The following CCDC83 variants were observed in gnomAD, a reference collection of about 807,000 sequenced individuals.
CCDC83 encodes the protein coiled-coil domain-containing protein 83.
In CCDC83, 54 loss-of-function variants were observed where a neutral mutation model predicts 50.1. The ratio of observed to expected loss-of-function variants is 1.08; its 90% CI spans 0.87 to 1.35. The LOEUF is 1.35. Ranked by LOEUF, CCDC83 falls within the 40% of genes most tolerant of loss-of-function variation. The probability of loss-of-function intolerance (pLI) is 0.00; values close to 1 mark genes in which losing one functional copy is unlikely to be tolerated. For missense variants in CCDC83, 518 were observed against 473.9 expected (o/e 1.09, Z -0.86); for synonymous variants, 161 against 153.3 (o/e 1.05, Z -0.37).
intron 3 of CCDC83, among the ~76,000 whole-genome samples, chr11:85,875,069 CA>C (rs1264610054): frequency 2.0e-5 from 3 of 152,292 alleles, no homozygotes; most frequent in African/African-American, 7.2e-5. Context: ...GGAGGGGATG[CA>C]GGGGTGGTCC....
Position 85,865,165 on chromosome 11 carries a change from C to T in CCDC83, c.42C>T (p.Asp14=), listed in dbSNP as rs199934074. The T allele has an allele frequency of 7.4e-6, 12 of 1,612,804 alleles. No individual in the cohort carries two copies. The highest frequency in any genetic ancestry group is 3.3e-5 in the Admixed American group (2 of 60,006). Residue 14 remains aspartate (D), a synonymous_variant, in exon 2 of 11, where the codon GAC becomes GAT. Coordinates refer to ENST00000342404, the MANE Select transcript of CCDC83 (RefSeq NM_001286159.2). The stretch of plus-strand genomic sequence containing the variant: ...AAGCAAATAAAAAGGATACACATGA[C>T]GGGCCACCAAAAGAAATTAAACTGC... The part of the protein sequence containing the change: ...SGKANKKDTH[D]GPPKEIKLPT...
chr11:85,865,160 C>CA lies in CCDC83; in HGVS notation c.38dup (p.His13GlnfsTer2), dbSNP rs1302771480. ...AGGGAAAGCAAATAAAAAGGATACACATGACGGGCCACCAAAAGAAATTAA... is the reference window on the plus strand; with the variant it reads ...AGGGAAAGCAAATAAAAAGGATACACAATGACGGGCCACCAAAAGAAATTAA... On this transcript the variant is annotated frameshift_variant, in exon 2 of 11. Coordinates refer to ENST00000342404, the MANE Select transcript of CCDC83 (RefSeq NM_001286159.2). LOFTEE classifies it high-confidence loss of function. The CA allele has an allele frequency of 6.2e-7, 1 of 1,612,862 alleles. No homozygotes were observed.
chr11:85,917,180 G>GA (rs1412357327), intron 10 of CCDC83, among the ~76,000 whole-genome samples: 1 of 103,588 alleles, frequency 9.7e-6, no homozygotes. Context: ...AAGAAAGAAA[G>GA]AAAGAAAGAA....
At chr11:85,855,814 G>A (rs1665722910) in intron 1 of CCDC83, among the ~76,000 whole-genome samples, 1 of 152,148 alleles carries the variant, frequency 6.6e-6, no homozygotes, top group Non-Finnish European at 1.5e-5. Context: ...GACTAAGCTC[G>A]GTCTTGCTTC....
chr11:85,885,662 G>C (rs766659792), intron 4 of CCDC83, among the ~76,000 whole-genome samples: 12 of 152,206 alleles, frequency 7.9e-5, no homozygotes, highest in Non-Finnish European at 1.5e-4. Flanking sequence ...GGTGGGAAAA[G>C]ACATGTTATT....
At chr11:85,910,496 T>C (rs554190890) in intron 7 of CCDC83, among the ~76,000 whole-genome samples, 1 of 152,374 alleles carries the variant, frequency 6.6e-6, no homozygotes, top group Admixed American at 6.5e-5. Context: ...CCTGTGCTTC[T>C]CCTTTAAAAA....
intron 5 of CCDC83, among the ~76,000 whole-genome samples, chr11:85,892,306 T>C (rs2093354114): frequency 6.6e-6 from 1 of 152,126 alleles, no homozygotes; most frequent in African/African-American, 2.4e-5. Context: ...GTTTCGAGCT[T>C]TTACGAGGAG....
intron 5 of CCDC83, among the ~76,000 whole-genome samples, chr11:85,892,344 T>C (rs1002881468): frequency 3.3e-5 from 5 of 152,206 alleles, no homozygotes; most frequent in African/African-American, 9.7e-5. Flanking sequence ...TTTCTTTGGC[T>C]GCATTCACCA....
chr11:85,880,585 A>ATT (rs60894727), intron 3 of CCDC83, among the ~76,000 whole-genome samples: 4 of 150,016 alleles, frequency 2.7e-5, no homozygotes, highest in Admixed American at 6.7e-5. Context: ...CCAGATCTTG[A>ATT]TTTTTTTTTT....
chr11:85,914,698 C>G (rs1183166931), intron 8 of CCDC83, among the ~76,000 whole-genome samples: 2 of 152,168 alleles, frequency 1.3e-5, no homozygotes, highest in African/African-American at 4.8e-5. Context: ...TTGGAATGCC[C>G]TTCTTTCACC....
At chr11:85,895,176 G>A in intron 5 of CCDC83, 117 bp from the exon 6 acceptor site, 1 of 307,612 alleles carries the variant, frequency 3.3e-6, no homozygotes, top group Non-Finnish European at 5.9e-6. Flanking sequence ...TCATACTTCT[G>A]TTGTGGAGTA....
intron 8 of CCDC83, chr11:85,912,671 C>T (rs372770315): frequency 5.6e-6 from 9 of 1,608,974 alleles, no homozygotes; most frequent in Non-Finnish European, 7.7e-6. Flanking sequence ...ACATTCCTGT[C>T]CCACCTCTAA....
chr11:85,862,193 C>G (rs1207524725), intron 1 of CCDC83, among the ~76,000 whole-genome samples: 1 of 151,894 alleles, frequency 6.6e-6, no homozygotes, highest in African/African-American at 2.4e-5. Context: ...AAACTTCTGG[C>G]TTTTCACTGA....
At chr11:85,897,544 A>G (rs1265116931) in intron 6 of CCDC83, among the ~76,000 whole-genome samples, 1 of 152,094 alleles carries the variant, frequency 6.6e-6, no homozygotes, top group Non-Finnish European at 1.5e-5. Context: ...CCTGTATCTC[A>G]CCCATACAGA....
At chr11:85,876,021 C>G (rs570863294) in intron 3 of CCDC83, among the ~76,000 whole-genome samples, 1 of 152,192 alleles carries the variant, frequency 6.6e-6, no homozygotes, top group East Asian at 1.9e-4. Context: ...CTTTTTAGTC[C>G]TTTCTTTACC....
At chr11:85,857,756 G>A (rs1374479280) in intron 1 of CCDC83, among the ~76,000 whole-genome samples, 1 of 152,154 alleles carries the variant, frequency 6.6e-6, no homozygotes, top group Non-Finnish European at 1.5e-5. Flanking sequence ...GGCGACATGG[G>A]CAAAGGCTGT....
chr11:85,870,161 A>T (rs530258315), intron 2 of CCDC83, among the ~76,000 whole-genome samples: 1 of 152,386 alleles, frequency 6.6e-6, no homozygotes, highest in African/African-American at 2.4e-5. Context: ...TGAGTTTCAG[A>T]TAAACAGCAA....
chr11:85,905,736 G>A (rs144610071), intron 7 of CCDC83, among the ~76,000 whole-genome samples: 2 of 152,090 alleles, frequency 1.3e-5, no homozygotes, highest in African/African-American at 2.4e-5. Context: ...TTGGGAGGCC[G>A]AGGCAGGTGG....
At chr11:85,889,750 G>A (rs958312511) in intron 5 of CCDC83, among the ~76,000 whole-genome samples, 19 of 152,234 alleles carry the variant, frequency 1.2e-4, no homozygotes, top group Non-Finnish European at 2.6e-4. Context: ...TGGGGTTTGC[G>A]TTAGTTAGGC....
Sources: gnomAD v4.1 joint callset for allele counts (sites outside exome capture counted in the v4.1 genomes callset) on GRCh38, gnomAD v4.1.1 for gene constraint, MANE v1.5 for transcripts, NCBI Gene and HGNC (gene_info 2026-07-23, HGNC 2026-07-21) for gene names.